Variants in THSD7A observed in about 807,000 individuals in gnomAD.
The protein encoded by THSD7A is thrombospondin type-1 domain-containing protein 7A.
Under a neutral mutation model 231.3 loss-of-function variants are expected in THSD7A, and 96 were observed. The observed-to-expected ratio is 0.41, with a 90% confidence interval of 0.35 to 0.49. The LOEUF (loss-of-function observed/expected upper bound fraction) is 0.49. THSD7A is among the 20% of genes least tolerant of loss of function. THSD7A has a pLI of 0.05. For synonymous variants in THSD7A, 940 were observed against 743.3 expected, an observed-to-expected ratio of 1.26 and a Z score of -4.30; for missense variants, 2,290 against 2,070.2, an observed-to-expected ratio of 1.11 and a Z score of -2.06.
chr7:11,508,486 A>G (rs1787653076), intron 6 of THSD7A, among the ~76,000 whole-genome samples: 1 of 152,236 alleles, frequency 6.6e-6, no homozygotes, highest in African/African-American at 2.4e-5. Context: ...ATCCTTGTAC[A>G]TTATTGATGA....
At chr7:11,684,072 C>CCA (rs1224556192) in intron 1 of THSD7A, among the ~76,000 whole-genome samples, 1 of 151,770 alleles carries the variant, frequency 6.6e-6, no homozygotes, top group Non-Finnish European at 1.5e-5. Context: ...CAAGGATGAT[C>CCA]CAATACACAC....
intron 11 of THSD7A, among the ~76,000 whole-genome samples, chr7:11,453,416 C>G (rs1391203458): frequency 6.6e-6 from 1 of 151,540 alleles, no homozygotes; most frequent in Non-Finnish European, 1.5e-5. Context: ...GAGGACCTCT[C>G]CTATGCAAGG....
At chr7:11,806,566 A>G (rs1784402764) in intron 1 of THSD7A, among the ~76,000 whole-genome samples, 2 of 152,310 alleles carry the variant, frequency 1.3e-5, no homozygotes, top group East Asian at 1.9e-4. Context: ...ACATCTACAC[A>G]TTTACACTGC....
In THSD7A at chr7:11,460,448, G is replaced by A. The variant is rs531171759; in HGVS notation, c.2605+214C>T. 6.6e-5 allele frequency among the ~76,000 whole-genome samples: 10 copies of A among 152,228 alleles called. No individual in the cohort carries two copies. In the South Asian group the frequency reaches 2.1e-3, roughly 32 times the overall value. On this transcript the variant is annotated intron_variant, in intron 11 of 27. Transcript: ENST00000423059. ...GACTTTCTTTCAGACATAAATGAGAGAAAAATTCAAGAATTATGAGCTAAT... is the reference window on the plus strand; with the variant it reads ...GACTTTCTTTCAGACATAAATGAGAAAAAAATTCAAGAATTATGAGCTAAT...
chr7:11,378,534 C>T (rs1293616287), intron 26 of THSD7A, among the ~76,000 whole-genome samples: 1 of 152,196 alleles, frequency 6.6e-6, no homozygotes, highest in Non-Finnish European at 1.5e-5. Context: ...TCCATTGTCT[C>T]CCTGTTTATC....
chr7:11,440,407 T>C (rs769506487), intron 13 of THSD7A, among the ~76,000 whole-genome samples: 7 of 152,010 alleles, frequency 4.6e-5, no homozygotes, highest in Admixed American at 4.6e-4. Flanking sequence ...ATTTAAGAAA[T>C]GCATTTTGTA....
At chr7:11,573,765 A>T (rs76) in intron 4 of THSD7A, among the ~76,000 whole-genome samples, 148,480 of 152,332 alleles carry the variant, frequency 0.97, 72,379 homozygotes, top group Middle Eastern at 1. Context: ...GGCATTTTGC[A>T]AGAGTACAGA....
At chr7:11,821,660 A>G (rs1784879202) in intron 1 of THSD7A, among the ~76,000 whole-genome samples, 1 of 152,130 alleles carries the variant, frequency 6.6e-6, no homozygotes, top group South Asian at 2.1e-4. Context: ...TGAATCTACT[A>G]ATGTGACTCC....
At chr7:11,581,324 CTG>C (rs1380499344) in intron 4 of THSD7A, among the ~76,000 whole-genome samples, 5 of 151,796 alleles carry the variant, frequency 3.3e-5, no homozygotes, top group African/African-American at 1.2e-4. Flanking sequence ...TAAAATATTC[CTG>C]TGTCACAAGA....
At chr7:11,431,211 G>A (rs766677222) in intron 13 of THSD7A, among the ~76,000 whole-genome samples, 19 of 152,156 alleles carry the variant, frequency 1.2e-4, no homozygotes, top group Admixed American at 1.2e-3. Flanking sequence ...TGTCAATGAA[G>A]TCCAGTTTAT....
intron 6 of THSD7A, among the ~76,000 whole-genome samples, chr7:11,532,008 T>C (rs1293331255): frequency 6.6e-6 from 1 of 152,146 alleles, no homozygotes; most frequent in Non-Finnish European, 1.5e-5. Context: ...CCATAGAATG[T>C]GGCAGAAGTG....
chr7:11,611,301 T>C (rs2128348975), intron 2 of THSD7A, among the ~76,000 whole-genome samples: 1 of 152,190 alleles, frequency 6.6e-6, no homozygotes, highest in South Asian at 2.1e-4. Flanking sequence ...CTTTTACATA[T>C]ATGGATTTTC....
intron 1 of THSD7A, among the ~76,000 whole-genome samples, chr7:11,828,223 C>T (rs1259249796): frequency 6.6e-6 from 1 of 152,190 alleles, no homozygotes; most frequent in African/African-American, 2.4e-5. Context: ...ATAATCTGGT[C>T]CTAACTCACT....
At chr7:11,757,621 T>G (rs888355250) in intron 1 of THSD7A, among the ~76,000 whole-genome samples, 4 of 151,726 alleles carry the variant, frequency 2.6e-5, no homozygotes, top group African/African-American at 7.3e-5. Context: ...CATATAAAAC[T>G]CCCCAAAATG....
intron 6 of THSD7A, among the ~76,000 whole-genome samples, chr7:11,529,004 CCA>C (rs1261281456): frequency 2.0e-5 from 3 of 152,196 alleles, no homozygotes; most frequent in East Asian, 1.9e-4. Flanking sequence ...CAATTTCTGC[CCA>C]CAGTCAGTAG....
intron 1 of THSD7A, among the ~76,000 whole-genome samples, chr7:11,769,568 A>G (rs1329933293): frequency 6.6e-6 from 1 of 152,110 alleles, no homozygotes. Context: ...TTTTCTAAGC[A>G]AAATTCTGAT....
chr7:11,669,767 C>T (rs2128377663), intron 1 of THSD7A, among the ~76,000 whole-genome samples: 1 of 152,146 alleles, frequency 6.6e-6, no homozygotes, highest in South Asian at 2.1e-4. Flanking sequence ...AAATTTATTT[C>T]TTATCAATAT....
chr7:11,613,043 A>G (rs1262684202), intron 2 of THSD7A, among the ~76,000 whole-genome samples: 3 of 152,194 alleles, frequency 2.0e-5, no homozygotes, highest in South Asian at 2.1e-4. Flanking sequence ...CATTATGTCA[A>G]TAAAATCTCA....
At chr7:11,520,485 A>C (rs77141284) in intron 6 of THSD7A, among the ~76,000 whole-genome samples, 3,824 of 152,312 alleles carry the variant, frequency 0.025, 67 homozygotes, top group Non-Finnish European at 0.039. Flanking sequence ...TCTTATGCAT[A>C]TACTGTACAC....
Sources: allele counts gnomAD v4.1 joint callset (sites outside exome capture counted in the v4.1 genomes callset), GRCh38; gene constraint gnomAD v4.1.1; transcripts MANE v1.5; gene names NCBI Gene and HGNC (gene_info 2026-07-23, HGNC 2026-07-21).